The following KALRN variants were observed in gnomAD, a reference collection of about 807,000 sequenced individuals.
The protein encoded by KALRN is kalirin RhoGEF kinase, also known as kalirin.
KALRN carries 70 observed loss-of-function variants against 353.7 expected under a neutral mutation model. The ratio of observed to expected loss-of-function variants is 0.20; its 90% CI spans 0.16 to 0.24. KALRN has a LOEUF of 0.24. Ranked by LOEUF, KALRN falls within the 10% of genes least tolerant of loss-of-function variation. KALRN has a pLI of 1.00. For synonymous variants in KALRN, 1,391 were observed against 1,434.8 expected (o/e 0.97, Z 0.69); for missense variants, 2,791 against 3,756.7 (o/e 0.74, Z 6.72).
intron 14 of KALRN, among the ~76,000 whole-genome samples, chr3:124,417,186 A>G (rs1270953224): frequency 6.6e-6 from 1 of 152,234 alleles, no homozygotes; most frequent in African/African-American, 2.4e-5. Flanking sequence ...AGAAGTTGAG[A>G]GAAACATGCT....
At chr3:124,701,922 C>T in intron 56 of KALRN, 116 bp from the exon 57 acceptor site, 1 of 720,892 alleles carries the variant, frequency 1.4e-6, no homozygotes, top group East Asian at 2.6e-5. Context: ...CTGAGTCAGA[C>T]TCCATATTTG....
chr3:124,197,031 A>G (rs1339018132), intron 1 of KALRN, among the ~76,000 whole-genome samples: 1 of 152,124 alleles, frequency 6.6e-6, no homozygotes, highest in African/African-American at 2.4e-5. Flanking sequence ...GACCCTACAC[A>G]CCCAACAATT....
intron 11 of KALRN, among the ~76,000 whole-genome samples, chr3:124,392,441 C>T (rs914534912): frequency 6.6e-6 from 1 of 151,980 alleles, no homozygotes; most frequent in Admixed American, 6.6e-5. Flanking sequence ...CTGTTATTAT[C>T]CCCATTTTAC....
chr3:124,127,537 G>A (rs747277281), intron 1 of KALRN, among the ~76,000 whole-genome samples: 4 of 152,060 alleles, frequency 2.6e-5, no homozygotes, highest in Non-Finnish European at 4.4e-5. Context: ...TTTGACCACA[G>A]AGTTTTAGAT....
At chr3:124,369,394 C>T (rs1421661729) in intron 10 of KALRN, among the ~76,000 whole-genome samples, 1 of 152,196 alleles carries the variant, frequency 6.6e-6, no homozygotes, top group Non-Finnish European at 1.5e-5. Flanking sequence ...TCCACTCCCA[C>T]TTTCCAATTT....
chr3:124,286,112 T>C (rs1195352723), intron 5 of KALRN, among the ~76,000 whole-genome samples: 1 of 148,458 alleles, frequency 6.7e-6, no homozygotes, highest in Non-Finnish European at 1.5e-5. Context: ...TCTTTCTTTC[T>C]TTCTTTCTTT....
chr3:124,553,710 C>A (rs1035812092), intron 33 of KALRN, among the ~76,000 whole-genome samples: 13 of 152,236 alleles, frequency 8.5e-5, no homozygotes, highest in African/African-American at 2.9e-4. Context: ...CAGGAAATGC[C>A]TTCCTGTGCA....
chr3:124,171,264 A>G (rs989945830), intron 1 of KALRN, among the ~76,000 whole-genome samples: 1 of 152,210 alleles, frequency 6.6e-6, no homozygotes. Flanking sequence ...TCAGCTGGGC[A>G]GTTTTTCTGC....
chr3:124,663,546 A>G (rs895053524), intron 45 of KALRN, among the ~76,000 whole-genome samples: 9 of 152,130 alleles, frequency 5.9e-5, no homozygotes, highest in Non-Finnish European at 1.0e-4. Flanking sequence ...ACCACACACA[A>G]TATGTTTTTA....
At chr3:124,625,389 A>G (rs1013669681) in intron 34 of KALRN, among the ~76,000 whole-genome samples, 3 of 152,174 alleles carry the variant, frequency 2.0e-5, no homozygotes, top group Non-Finnish European at 2.9e-5. Flanking sequence ...GAGTGTTTTG[A>G]CAGTTCCACA....
At chr3:124,471,980 A>C (rs1303053728) in intron 25 of KALRN, among the ~76,000 whole-genome samples, 1 of 151,440 alleles carries the variant, frequency 6.6e-6, no homozygotes, top group Non-Finnish European at 1.5e-5. Context: ...AAAAAAAAAA[A>C]AAAACAACCT....
At chr3:124,127,478 C>G (rs2064820964) in intron 1 of KALRN, among the ~76,000 whole-genome samples, 1 of 152,078 alleles carries the variant, frequency 6.6e-6, no homozygotes, top group Non-Finnish European at 1.5e-5. Context: ...TCAATCTGAC[C>G]CCAAACTTCC....
intron 1 of KALRN, among the ~76,000 whole-genome samples, chr3:124,046,405 T>C (rs1449103002): frequency 1.3e-5 from 2 of 152,208 alleles, no homozygotes; most frequent in Non-Finnish European, 2.9e-5. Context: ...ATGCTGGAGC[T>C]CTTATTAAGC....
At chr3:124,305,189 C>T (rs944171237) in intron 6 of KALRN, among the ~76,000 whole-genome samples, 1 of 152,142 alleles carries the variant, frequency 6.6e-6, no homozygotes. Flanking sequence ...AAATCTTTCC[C>T]CAAAGGAACT....
Position 124,353,601 on chromosome 3 carries a change from T to C in KALRN, c.1770+6336T>C, listed in dbSNP as rs2083066038. On this transcript the variant is annotated intron_variant, in intron 10 of 59. Coordinates refer to ENST00000682506, the MANE Select transcript of KALRN (RefSeq NM_001388419.1). Reference sequence around the variant, plus strand: ...ATTCAGTTAATATGCAGTGATGCAGTGACCTTCACAGTAAGTTCCTTCTTT... The same window carrying C: ...ATTCAGTTAATATGCAGTGATGCAGCGACCTTCACAGTAAGTTCCTTCTTT... 2.0e-5 allele frequency among the ~76,000 whole-genome samples: 3 copies of C among 152,164 alleles called. No individual in the cohort carries two copies. In the East Asian group the frequency reaches 5.8e-4, roughly 29 times the overall value.
intron 1 of KALRN, among the ~76,000 whole-genome samples, chr3:124,048,015 C>T (rs1049977717): frequency 6.6e-6 from 1 of 152,030 alleles, no homozygotes; most frequent in Admixed American, 6.5e-5. Flanking sequence ...GTTTGTTTTT[C>T]GATTATTGAA....
chr3:124,309,647 G>A (rs1340618030), intron 6 of KALRN, among the ~76,000 whole-genome samples: 1 of 152,044 alleles, frequency 6.6e-6, no homozygotes, highest in Non-Finnish European at 1.5e-5. Context: ...AGAATTGTGA[G>A]CTTGGTTTAA....
At chr3:124,446,916 C>T in intron 21 of KALRN, 31 bp downstream of exon 21, 3 of 1,604,348 alleles carry the variant, frequency 1.9e-6, no homozygotes, top group Non-Finnish European at 2.5e-6. Flanking sequence ...TCCCCCAGAT[C>T]CACCCAGAAC....
chr3:124,133,825 C>T (rs1408072039), intron 1 of KALRN, among the ~76,000 whole-genome samples: 1 of 152,068 alleles, frequency 6.6e-6, no homozygotes. Context: ...ACTAAAATGG[C>T]CTTTATCAAG....
Sources: gnomAD v4.1 joint callset for allele counts (sites outside exome capture counted in the v4.1 genomes callset) on GRCh38, gnomAD v4.1.1 for gene constraint, MANE v1.5 for transcripts, NCBI Gene and HGNC (gene_info 2026-07-23, HGNC 2026-07-21) for gene names.